Variants in NRG1 observed in about 807,000 individuals in gnomAD.
The protein encoded by NRG1 is pro-neuregulin-1, membrane-bound isoform.
NRG1 carries 18 observed loss-of-function variants against 63.8 expected under a neutral mutation model. That is an observed-to-expected ratio of 0.28 (90% CI 0.19 to 0.42). NRG1 has a LOEUF of 0.42. Ranked by LOEUF, NRG1 falls within the 10% of genes least tolerant of loss-of-function variation. The pLI is 1.00. For missense variants in NRG1, 762 were observed against 814.7 expected (o/e 0.94, Z 0.79); for synonymous variants, 302 against 301.3 (o/e 1.00, Z -0.02).
chr8:31,763,004 G>A (rs945985092), intron 1 of NRG1, among the ~76,000 whole-genome samples: 1 of 152,066 alleles, frequency 6.6e-6, no homozygotes, highest in Non-Finnish European at 1.5e-5. Flanking sequence ...GGGAATGCAA[G>A]GTTAGTTTCA....
chr8:31,712,445 T>G (rs1453276799), intron 1 of NRG1, among the ~76,000 whole-genome samples: 1 of 151,924 alleles, frequency 6.6e-6, no homozygotes, highest in Non-Finnish European at 1.5e-5. Flanking sequence ...ATTTTTTGTA[T>G]TTTTAGTAGA....
At chr8:32,701,147 T>G (rs933714316) in intron 5 of NRG1, among the ~76,000 whole-genome samples, 2 of 152,346 alleles carry the variant, frequency 1.3e-5, no homozygotes, top group South Asian at 2.1e-4. Context: ...GGAAGTAACA[T>G]TCATGCTTCT....
chr8:32,667,679 G>A (rs1401885366), intron 5 of NRG1, among the ~76,000 whole-genome samples: 1 of 152,128 alleles, frequency 6.6e-6, no homozygotes, highest in Non-Finnish European at 1.5e-5. Context: ...AGCTAGAGCA[G>A]AGACTTAGAG....
intron 5 of NRG1, chr8:32,648,300 A>T (rs752284641): frequency 6.2e-7 from 1 of 1,613,634 alleles, no homozygotes; most frequent in Non-Finnish European, 8.5e-7. Context: ...CCCTTCACCC[A>T]CCCGGAACCC....
chr8:31,898,097 C>G (rs1194473903), intron 1 of NRG1, among the ~76,000 whole-genome samples: 1 of 151,762 alleles, frequency 6.6e-6, no homozygotes, highest in Non-Finnish European at 1.5e-5. Context: ...ATTGTCCCCC[C>G]TTTTCAAATC....
At position 32,725,464 on chromosome 8, in the gene NRG1, A is replaced by ATTTTTTTTTTTTTTT. The variant is rs71209904; in HGVS notation, c.503-2470_503-2456dup. Among the ~76,000 whole-genome samples the ATTTTTTTTTTTTTTT allele has an allele frequency of 2.1e-3, 141 of 67,580 alleles. 6 individuals carry two copies. Among genetic ancestry groups the ATTTTTTTTTTTTTTT allele is most frequent in the African/African-American group, 4.0e-3 (72 of 18,004 alleles). 44.3% of individuals were successfully genotyped at this position (67,580 alleles called of 152,430 possible). A position where few individuals can be genotyped will look rare whatever the true frequency, so the allele number is the denominator to read the frequency against. On this transcript the variant is annotated intron_variant, in intron 5 of 11. Transcript: ENST00000356819. ...TTTAACATTCGAGGCAAACTTCCTA[A>ATTTTTTTTTTTTTTT]TTTTTTTTTTTTTTTTTTTTTTTTT...
At chr8:32,664,757 T>C (rs1280662206) in intron 5 of NRG1, among the ~76,000 whole-genome samples, 1 of 152,142 alleles carries the variant, frequency 6.6e-6, no homozygotes, top group East Asian at 1.9e-4. Context: ...ACTAATTGAA[T>C]GCGGAGAAGG....
chr8:31,818,933 A>T (rs1167406155), intron 1 of NRG1, among the ~76,000 whole-genome samples: 1 of 152,168 alleles, frequency 6.6e-6, no homozygotes, highest in Non-Finnish European at 1.5e-5. Context: ...GGGCGCCTGT[A>T]GTCCCAGCTA....
chr8:31,994,146 G>A (rs1295742812), intron 1 of NRG1, among the ~76,000 whole-genome samples: 1 of 151,956 alleles, frequency 6.6e-6, no homozygotes, highest in Non-Finnish European at 1.5e-5. Flanking sequence ...CTTATACAAA[G>A]ATATTGAACC....
intron 1 of NRG1, among the ~76,000 whole-genome samples, chr8:31,890,088 T>C (rs1831032054): frequency 6.6e-6 from 1 of 152,178 alleles, no homozygotes; most frequent in Admixed American, 6.5e-5. Context: ...GCATGCCTGG[T>C]CTCTATCCAA....
chr8:32,323,672 C>T (rs770540380), intron 1 of NRG1, among the ~76,000 whole-genome samples: 3 of 152,224 alleles, frequency 2.0e-5, no homozygotes, highest in Non-Finnish European at 4.4e-5. Context: ...TTTTTCCTTA[C>T]TTGTTGGAAT....
At chr8:31,666,785 T>A (rs1412846596) in intron 1 of NRG1, among the ~76,000 whole-genome samples, 1 of 152,216 alleles carries the variant, frequency 6.6e-6, no homozygotes, top group Non-Finnish European at 1.5e-5. Flanking sequence ...CCATCTGACA[T>A]CCTTTTGACA....
chr8:31,931,171 C>T (rs1834829021), intron 1 of NRG1, among the ~76,000 whole-genome samples: 1 of 152,088 alleles, frequency 6.6e-6, no homozygotes, highest in Admixed American at 6.6e-5. Flanking sequence ...TTTCTCTCTC[C>T]TAATATATTG....
intron 1 of NRG1, among the ~76,000 whole-genome samples, chr8:32,247,818 G>A (rs989465): frequency 6.6e-6 from 1 of 151,890 alleles, no homozygotes; most frequent in Admixed American, 6.6e-5. Context: ...TTAAGACATG[G>A]AATCTTTGCC....
chr8:32,675,163 T>C (rs1169752555), intron 5 of NRG1, among the ~76,000 whole-genome samples: 8 of 152,222 alleles, frequency 5.3e-5, no homozygotes, highest in Non-Finnish European at 1.2e-4. Flanking sequence ...CACATTTATA[T>C]ATGTTCTGGT....
chr8:31,817,321 G>A (rs1823552849), intron 1 of NRG1, among the ~76,000 whole-genome samples: 1 of 152,178 alleles, frequency 6.6e-6, no homozygotes, highest in South Asian at 2.1e-4. Flanking sequence ...CCCTGGACCA[G>A]GCTTAGACAT....
At chr8:32,080,458 G>A (rs1827273840) in intron 1 of NRG1, among the ~76,000 whole-genome samples, 1 of 152,162 alleles carries the variant, frequency 6.6e-6, no homozygotes, top group South Asian at 2.1e-4. Context: ...CCTAAGCTCA[G>A]ACAGTGACAG....
At chr8:32,344,915 C>T (rs1421597115) in intron 1 of NRG1, among the ~76,000 whole-genome samples, 2 of 152,178 alleles carry the variant, frequency 1.3e-5, no homozygotes, top group South Asian at 4.1e-4. Flanking sequence ...GAAGACGGAT[C>T]TCTCTGAGCC....
intron 1 of NRG1, among the ~76,000 whole-genome samples, chr8:31,763,774 C>A (rs551097246): frequency 1.8e-4 from 28 of 152,254 alleles, no homozygotes; most frequent in Non-Finnish European, 3.4e-4. Flanking sequence ...CACGGTGAAA[C>A]CCCGTCTCTA....
Sources: allele counts gnomAD v4.1 joint callset (sites outside exome capture counted in the v4.1 genomes callset), GRCh38; gene constraint gnomAD v4.1.1; transcripts MANE v1.5; gene names NCBI Gene and HGNC (gene_info 2026-07-23, HGNC 2026-07-21).